Variants in VAV3 observed in about 807,000 individuals in gnomAD.
VAV3 encodes guanine nucleotide exchange factor VAV3.
A neutral mutation model predicts 131.2 loss-of-function variants in VAV3; 94 were observed. The observed-to-expected ratio is 0.72, with a 90% CI of 0.61 to 0.85. VAV3 has a LOEUF of 0.85. VAV3 is among the 40% of genes least tolerant of loss of function. The pLI, the probability that VAV3 is intolerant of heterozygous loss-of-function variation, is 0.00. For synonymous variants in VAV3, 349 were observed against 342.0 expected (o/e 1.02, Z -0.22); for missense variants, 939 against 1,002.7 (o/e 0.94, Z 0.86).
chr1:107,770,803 G>C, intron 5 of VAV3, 75 bp from the exon 6 acceptor site: 2 of 1,237,256 alleles, frequency 1.6e-6, no homozygotes, highest in Admixed American at 2.2e-5. Context: ...GAGATCAAAA[G>C]CATTGCTGAC....
chr1:107,633,774 T>C (rs112857293), intron 20 of VAV3, among the ~76,000 whole-genome samples: 6,814 of 152,226 alleles, frequency 0.045, 182 homozygotes, highest in Middle Eastern at 0.088. Context: ...CTAAGTACCC[T>C]GCGATCACCA....
chr1:107,785,772 C>T, intron 2 of VAV3: 1 of 466,224 alleles, frequency 2.1e-6, no homozygotes, highest in African/African-American at 2.1e-5. Flanking sequence ...AGAGGCACCC[C>T]AGAGACCTGA....
chr1:107,842,708 G>T (rs912538630), intron 2 of VAV3, among the ~76,000 whole-genome samples: 2 of 151,956 alleles, frequency 1.3e-5, no homozygotes, highest in Non-Finnish European at 2.9e-5. Context: ...TATGCAGGGG[G>T]TGTCATTTTT....
chr1:107,647,132 G>C lies in VAV3; in HGVS notation c.1778-4377C>G, dbSNP rs1277932184. On this transcript the variant is annotated intron_variant, in intron 19 of 26. Transcript: ENST00000370056. ...TCCAAGCAGGGCAAGAAGAGCGATT[G>C]CTACAACATAGATTAGTATCTATTC... 2.0e-5 allele frequency among the ~76,000 whole-genome samples: 3 copies of C among 151,078 alleles called. No individual in the cohort carries two copies. In the East Asian group the frequency reaches 5.8e-4, roughly 29 times the overall value.
chr1:107,738,415 T>C (rs1356773745), intron 15 of VAV3, among the ~76,000 whole-genome samples: 1 of 152,126 alleles, frequency 6.6e-6, no homozygotes, highest in Non-Finnish European at 1.5e-5. Flanking sequence ...ACAAGAGAAG[T>C]GAACTTGTCT....
chr1:107,609,754 A>G lies in VAV3; in HGVS notation c.2015+177T>C, dbSNP rs199752582. Reference sequence around the variant, plus strand: ...ATGCACACACACCCCCCTCGCAGATAAAGATATGGAAAGGTCAGCAATACA... The same window carrying G: ...ATGCACACACACCCCCCTCGCAGATGAAGATATGGAAAGGTCAGCAATACA... On this transcript the variant is annotated intron_variant, in intron 22 of 26. Coordinates refer to ENST00000370056, the MANE Select transcript of VAV3 (RefSeq NM_006113.5). The G allele has an allele frequency of 1.5e-5, 9 of 612,114 alleles. No homozygotes were observed. In the East Asian group the frequency reaches 2.2e-4, roughly 15 times the overall value. The allele number at this position is 612,114 out of a possible 1,614,324, so 37.9% of individuals were successfully genotyped here.
chr1:107,612,791 C>T (rs1489889829), intron 21 of VAV3, among the ~76,000 whole-genome samples: 1 of 152,226 alleles, frequency 6.6e-6, no homozygotes, highest in Non-Finnish European at 1.5e-5. Flanking sequence ...AGACTTCCTA[C>T]CTCCTTTTCC....
intron 24 of VAV3, 111 bp downstream of exon 24, chr1:107,602,286 T>C (rs1342051939): frequency 1.5e-6 from 1 of 680,000 alleles, no homozygotes; most frequent in Non-Finnish European, 2.3e-6. Context: ...ATGATTATCT[T>C]TAAATAACTT....
intron 1 of VAV3, among the ~76,000 whole-genome samples, chr1:107,899,099 G>A (rs1474729473): frequency 1.3e-5 from 2 of 152,150 alleles, no homozygotes; most frequent in East Asian, 1.9e-4. Flanking sequence ...GGTTCTGAGA[G>A]GGCACAAAGA....
chr1:107,701,699 T>C (rs1660144118), intron 17 of VAV3, among the ~76,000 whole-genome samples: 2 of 152,092 alleles, frequency 1.3e-5, no homozygotes, highest in Non-Finnish European at 2.9e-5. Context: ...AAGTTCCAAT[T>C]TCAAATCATC....
At chr1:107,674,348 T>C (rs1269284164) in intron 19 of VAV3, among the ~76,000 whole-genome samples, 1 of 152,190 alleles carries the variant, frequency 6.6e-6, no homozygotes, top group East Asian at 1.9e-4. Context: ...ATTCTTCTGG[T>C]GCTAAGTTTT....
chr1:107,911,219 C>T (rs1449257688), intron 1 of VAV3, among the ~76,000 whole-genome samples: 1 of 152,216 alleles, frequency 6.6e-6, no homozygotes, highest in Non-Finnish European at 1.5e-5. Context: ...TACAAAGAAG[C>T]ATAAATTAGA....
intron 20 of VAV3, among the ~76,000 whole-genome samples, chr1:107,621,529 A>C (rs1483011294): frequency 3.3e-5 from 5 of 151,988 alleles, no homozygotes; most frequent in Non-Finnish European, 7.4e-5. Flanking sequence ...GAAATTGCAG[A>C]CTGTAACTAT....
intron 1 of VAV3, among the ~76,000 whole-genome samples, chr1:107,891,127 T>C (rs772772466): frequency 8.1e-5 from 12 of 147,712 alleles, no homozygotes; most frequent in Admixed American, 6.9e-4. Context: ...CCTACCACAA[T>C]TATTGCTAGT....
At chr1:107,797,054 G>T (rs374158309) in intron 2 of VAV3, among the ~76,000 whole-genome samples, 18 of 152,028 alleles carry the variant, frequency 1.2e-4, no homozygotes, top group African/African-American at 4.3e-4. Context: ...ACTACAATAT[G>T]TAAGAAGTTA....
At chr1:107,860,575 T>G (rs1238721488) in intron 2 of VAV3, among the ~76,000 whole-genome samples, 1 of 151,638 alleles carries the variant, frequency 6.6e-6, no homozygotes, top group African/African-American at 2.4e-5. Flanking sequence ...ATAGTGTCCC[T>G]TTCTTTAAAT....
chr1:107,609,173 C>T (rs1536665), intron 22 of VAV3, among the ~76,000 whole-genome samples: 142,543 of 152,204 alleles, frequency 0.94, 67,353 homozygotes, highest in East Asian at 1. Flanking sequence ...GTACAAAGCA[C>T]ATATAGTAAA....
intron 15 of VAV3, among the ~76,000 whole-genome samples, chr1:107,716,545 T>C (rs959166620): frequency 1.3e-5 from 2 of 152,274 alleles, no homozygotes; most frequent in Non-Finnish European, 2.9e-5. Flanking sequence ...TTTATTCATT[T>C]GCATATGTTG....
chr1:107,799,965 CTCACT>C (rs1350650583), intron 2 of VAV3, among the ~76,000 whole-genome samples: 3 of 152,150 alleles, frequency 2.0e-5, no homozygotes, highest in East Asian at 1.9e-4. Flanking sequence ...CTGTGCTTGG[CTCACT>C]TCACTTAACA....
Sources: gnomAD v4.1 joint callset for allele counts (sites outside exome capture counted in the v4.1 genomes callset) on GRCh38, gnomAD v4.1.1 for gene constraint, MANE v1.5 for transcripts, NCBI Gene and HGNC (gene_info 2026-07-23, HGNC 2026-07-21) for gene names.